Variants in PREX1 observed in about 807,000 individuals in gnomAD.
PREX1 encodes phosphatidylinositol-3,4,5-trisphosphate dependent Rac exchange factor 1, also known as phosphatidylinositol 3,4,5-trisphosphate-dependent Rac exchanger 1 protein.
Under a neutral mutation model 198.3 loss-of-function variants are expected in PREX1, and 41 were observed. That is an observed-to-expected ratio of 0.21 (90% CI 0.16 to 0.27). The LOEUF (loss-of-function observed/expected upper bound fraction) is 0.27. PREX1 is among the 10% of genes least tolerant of loss of function. The probability of loss-of-function intolerance (pLI) is 1.00; values close to 1 mark genes in which losing one functional copy is unlikely to be tolerated. For missense variants in PREX1, 1,620 were observed against 2,200.7 expected (o/e 0.74, Z 5.28); for synonymous variants, 843 against 887.2 (o/e 0.95, Z 0.89).
chr20:48,775,785 T>G (rs2090258339), intron 1 of PREX1, among the ~76,000 whole-genome samples: 1 of 152,196 alleles, frequency 6.6e-6, no homozygotes, highest in African/African-American at 2.4e-5. Context: ...GACTTGCTCC[T>G]CCTTGCCTTC....
Position 48,637,756 on chromosome 20 carries a change from G to A in PREX1, c.3905-4C>T. On this transcript the variant is annotated splice_polypyrimidine_tract_variant and splice_region_variant and intron_variant, in intron 30 of 39. Coordinates refer to ENST00000371941, the MANE Select transcript of PREX1 (RefSeq NM_020820.4). ...AGGAGCAGCTGGTTCTTCCCATCTG[G>A]AAGGAGAAGGGAGACAGAAAGGGGG... 5 of 1,607,890 alleles carry A rather than the reference G, an allele frequency of 3.1e-6. No homozygotes were observed. Among genetic ancestry groups the A allele is most frequent in the Non-Finnish European group, 4.3e-6 (5 of 1,176,256 alleles).
At chr20:48,699,652 T>TG (rs1220700402) in intron 7 of PREX1, among the ~76,000 whole-genome samples, 1 of 152,094 alleles carries the variant, frequency 6.6e-6, no homozygotes, top group Non-Finnish European at 1.5e-5. Context: ...GCCAACCAAT[T>TG]GGCCATCCAT....
At position 48,644,393 on chromosome 20, in the gene PREX1, C is replaced by T. The variant is rs550159463; in HGVS notation, c.3601+16G>A. On this transcript the variant is annotated intron_variant, in intron 27 of 39. Coordinates refer to ENST00000371941, the MANE Select transcript of PREX1 (RefSeq NM_020820.4). ...AGCCTCTCTCCCTGAGCACAGGCCG[C>T]TGCCACTCCACTCACCAGACCCCAT... 30 of 1,605,896 alleles carry T rather than the reference C, an allele frequency of 1.9e-5. No individual in the cohort carries two copies. In the South Asian group the frequency reaches 3.2e-4, roughly 17 times the overall value.
At chr20:48,740,830 A>G (rs76772293) in intron 3 of PREX1, among the ~76,000 whole-genome samples, 3,539 of 152,388 alleles carry the variant, frequency 0.023, 81 homozygotes, top group Middle Eastern at 0.058. Flanking sequence ...TGATGTAAGC[A>G]GCCTCAGGCT....
chr20:48,699,840 C>T (rs2089865055), intron 7 of PREX1, among the ~76,000 whole-genome samples: 1 of 152,216 alleles, frequency 6.6e-6, no homozygotes, highest in Non-Finnish European at 1.5e-5. Context: ...AATATCCACA[C>T]ATGCCCCCAG....
chr20:48,888,039 T>C, the PREX1 span, among the ~76,000 whole-genome samples: 3,836 of 152,290 alleles, frequency 0.025, 63 homozygotes, highest in South Asian at 0.055. Context: ...TGTATTAGGT[T>C]TTCACACTGC....
chr20:48,644,614 G>A (rs989779622), intron 26 of PREX1, 117 bp from the exon 27 acceptor site: 4 of 892,642 alleles, frequency 4.5e-6, no homozygotes, highest in African/African-American at 3.3e-5. Context: ...AGGTGGGCGT[G>A]CAGCCCAGAG....
intron 19 of PREX1, 100 bp from the exon 20 acceptor site, chr20:48,653,597 G>T: frequency 3.4e-6 from 5 of 1,455,076 alleles, no homozygotes; most frequent in Non-Finnish European, 4.7e-6. Flanking sequence ...CCAGACACGC[G>T]CAAGGACTCC....
At chr20:48,867,301 T>A in the PREX1 span, among the ~76,000 whole-genome samples, 1 of 152,186 alleles carries the variant, frequency 6.6e-6, no homozygotes, top group Non-Finnish European at 1.5e-5. Flanking sequence ...GGGACATGGT[T>A]TGTCCAAGGC....
the PREX1 span, among the ~76,000 whole-genome samples, chr20:48,887,221 A>G: frequency 6.6e-6 from 1 of 152,174 alleles, no homozygotes; most frequent in Non-Finnish European, 1.5e-5. Flanking sequence ...CAGTTTCCCC[A>G]TCTTTCTTAG....
At chr20:48,844,024 C>A in the PREX1 span, among the ~76,000 whole-genome samples, 1 of 152,020 alleles carries the variant, frequency 6.6e-6, no homozygotes, top group African/African-American at 2.4e-5. Flanking sequence ...ACACTAGTCC[C>A]AGCTACTTGA....
intron 30 of PREX1, among the ~76,000 whole-genome samples, chr20:48,638,729 G>T (rs774284172): frequency 6.6e-6 from 1 of 152,198 alleles, no homozygotes; most frequent in Non-Finnish European, 1.5e-5. Context: ...CAGGCAGCCA[G>T]GGCACTGAGC....
intron 5 of PREX1, among the ~76,000 whole-genome samples, chr20:48,708,664 A>G (rs937686968): frequency 3.9e-5 from 6 of 152,200 alleles, no homozygotes; most frequent in African/African-American, 9.6e-5. Flanking sequence ...CAAGGAGGTC[A>G]GGGGAGGCCT....
rs1568813422 is a variant in PREX1 at position 48,666,252 on chromosome 20, CG to C, written c.1738+30del. 2.6e-6 allele frequency: 4 copies of C among 1,539,202 alleles called. No homozygotes were observed. The highest frequency in any genetic ancestry group is 1.8e-6 in the Non-Finnish European group (2 of 1,138,530). ...CCATCAGCTCCAGGGAGCAAGGTCCCGGGGGCTGGGCTGCAGGTGGGGGTGG... is the reference window on the plus strand; with the variant it reads ...CCATCAGCTCCAGGGAGCAAGGTCCCGGGGCTGGGCTGCAGGTGGGGGTGG... On this transcript the variant is annotated intron_variant, in intron 15 of 39. Transcript: ENST00000371941. This position sits in a 1 kb window ranked among gnomAD's most constrained non-coding sequence, Gnocchi z 4.3.
chr20:48,655,249 T>A, intron 19 of PREX1, 41 bp downstream of exon 19: 1 of 1,483,762 alleles, frequency 6.7e-7, no homozygotes, highest in Non-Finnish European at 9.3e-7. Context: ...AGATCCACCA[T>A]CTTCTGCACC....
intron 5 of PREX1, among the ~76,000 whole-genome samples, chr20:48,721,490 G>A (rs1161358662): frequency 6.6e-6 from 1 of 152,202 alleles, no homozygotes; most frequent in African/African-American, 2.4e-5. Context: ...GAAAGAGCAG[G>A]TGCAAAGGCC....
chr20:48,745,629 A>C (rs1001778217), intron 2 of PREX1, among the ~76,000 whole-genome samples: 1 of 152,262 alleles, frequency 6.6e-6, no homozygotes, highest in African/African-American at 2.4e-5. Context: ...AAGAAAACAC[A>C]ATAAGGAAGG....
chr20:48,798,108 C>G (rs2090371261), intron 1 of PREX1, among the ~76,000 whole-genome samples: 1 of 152,184 alleles, frequency 6.6e-6, no homozygotes, highest in Non-Finnish European at 1.5e-5. Flanking sequence ...CCATGGGGTT[C>G]CTACCTCTGG....
the PREX1 span, among the ~76,000 whole-genome samples, chr20:48,867,377 C>A: frequency 6.6e-6 from 1 of 152,224 alleles, no homozygotes; most frequent in Non-Finnish European, 1.5e-5. Context: ...TTGAAAGCAC[C>A]TACCCCAGAG....
Sources: allele counts gnomAD v4.1 joint callset (sites outside exome capture counted in the v4.1 genomes callset), GRCh38; gene constraint gnomAD v4.1.1; non-coding constraint Gnocchi (gnomAD v3.1); transcripts MANE v1.5; gene names NCBI Gene and HGNC (gene_info 2026-07-23, HGNC 2026-07-21).